AFG2A: variants seen among roughly 807,000 people sequenced by gnomAD.
AFG2A encodes the protein AAA ATPase AFG2A.
the AFG2A span, among the ~76,000 whole-genome samples, chr4:123,001,935 G>A: frequency 3.3e-5 from 5 of 152,182 alleles, no homozygotes; most frequent in African/African-American, 4.8e-5. Context: ...CTGTGTGGGT[G>A]TCTAAGTCTC....
At chr4:123,030,845 A>G in the AFG2A span, among the ~76,000 whole-genome samples, 10 of 152,214 alleles carry the variant, frequency 6.6e-5, no homozygotes, top group Non-Finnish European at 1.5e-4. Context: ...AAAATTTGGA[A>G]TCTAAAATGC....
the AFG2A span, among the ~76,000 whole-genome samples, chr4:123,298,269 T>A: frequency 5.9e-3 from 901 of 152,288 alleles, 10 homozygotes; most frequent in African/African-American, 0.021. Context: ...TGGGTGAAGC[T>A]GTGAGATGTA....
the AFG2A span, among the ~76,000 whole-genome samples, chr4:123,222,200 C>A: frequency 6.6e-6 from 1 of 152,158 alleles, no homozygotes; most frequent in African/African-American, 2.4e-5. Context: ...GATTTACCTT[C>A]AATTCTGGAG....
chr4:122,951,433 TACACAC>T, the AFG2A span, among the ~76,000 whole-genome samples: 16 of 148,506 alleles, frequency 1.1e-4, no homozygotes, highest in African/African-American at 2.5e-4. Context: ...TTTTCCAAAG[TACACAC>T]ACACACACAC....
chr4:123,034,636 A>C, the AFG2A span, among the ~76,000 whole-genome samples: 7 of 151,600 alleles, frequency 4.6e-5, no homozygotes, highest in African/African-American at 1.7e-4. Context: ...CTTTAGTTTA[A>C]TAATAATATC....
At chr4:123,165,975 C>T in the AFG2A span, among the ~76,000 whole-genome samples, 4 of 152,142 alleles carry the variant, frequency 2.6e-5, no homozygotes, top group African/African-American at 9.7e-5. Flanking sequence ...AAGAATTTCC[C>T]CTATGCCTGA....
the AFG2A span, among the ~76,000 whole-genome samples, chr4:123,240,949 A>G: frequency 2.0e-5 from 3 of 152,188 alleles, no homozygotes; most frequent in African/African-American, 7.2e-5. Context: ...GATAAAGGGG[A>G]TATCACCACC....
chr4:123,109,655 C>T, the AFG2A span, among the ~76,000 whole-genome samples: 1 of 152,112 alleles, frequency 6.6e-6, no homozygotes, highest in Non-Finnish European at 1.5e-5. Context: ...TCCTTTTATG[C>T]TACTCAGCTG....
the AFG2A span, among the ~76,000 whole-genome samples, chr4:123,191,495 C>T: frequency 6.6e-6 from 1 of 152,086 alleles, no homozygotes; most frequent in Non-Finnish European, 1.5e-5. Context: ...TAGATAGCCA[C>T]ATCTAATAAA....
the AFG2A span, among the ~76,000 whole-genome samples, chr4:123,091,964 AC>A: frequency 6.6e-6 from 1 of 152,102 alleles, no homozygotes; most frequent in Non-Finnish European, 1.5e-5. Context: ...TTTAAAAAAG[AC>A]CCCTTTGAAT....
chr4:123,312,710 C>G, the AFG2A span, among the ~76,000 whole-genome samples: 7 of 152,170 alleles, frequency 4.6e-5, no homozygotes, highest in Non-Finnish European at 1.0e-4. Flanking sequence ...AAAACATTAA[C>G]ATGCATAACC....
chr4:123,085,750 T>C, the AFG2A span, among the ~76,000 whole-genome samples: 1 of 151,914 alleles, frequency 6.6e-6, no homozygotes, highest in Non-Finnish European at 1.5e-5. Context: ...TACTGTTTTC[T>C]ATTAGTCGCC....
chr4:123,167,257 T>C, the AFG2A span, among the ~76,000 whole-genome samples: 6 of 149,620 alleles, frequency 4.0e-5, no homozygotes, highest in Non-Finnish European at 8.9e-5. Context: ...TATACTTATA[T>C]GTAGGTATCT....
chr4:123,132,752 G>A, the AFG2A span, among the ~76,000 whole-genome samples: 5 of 150,252 alleles, frequency 3.3e-5, no homozygotes, highest in Non-Finnish European at 5.9e-5. Context: ...CATCTCTTCC[G>A]CATCTCTTCC....
chr4:122,934,223 A>G, the AFG2A span: 1 of 1,614,074 alleles, frequency 6.2e-7, no homozygotes, highest in African/African-American at 1.3e-5. Flanking sequence ...AGTGACTCTG[A>G]CACTGATGCC....
the AFG2A span, among the ~76,000 whole-genome samples, chr4:123,038,478 A>G: frequency 2.3e-4 from 35 of 152,224 alleles, no homozygotes; most frequent in South Asian, 6.2e-3. Context: ...GAAACTGAAT[A>G]TAGACTTTTA....
chr4:123,065,415 A>ATATAT, the AFG2A span, among the ~76,000 whole-genome samples: 1 of 152,188 alleles, frequency 6.6e-6, no homozygotes, highest in African/African-American at 2.4e-5. Flanking sequence ...AGTAAATTCT[A>ATATAT]GGTTTTTGGA....
chr4:123,204,819 C>T, the AFG2A span, among the ~76,000 whole-genome samples: 1 of 152,176 alleles, frequency 6.6e-6, no homozygotes, highest in African/African-American at 2.4e-5. Context: ...AGAGTTGGAC[C>T]CAGTGATGTG....
chr4:123,167,203 T>C, the AFG2A span, among the ~76,000 whole-genome samples: 29 of 148,450 alleles, frequency 2.0e-4, no homozygotes, highest in Non-Finnish European at 3.3e-4. Context: ...TTATATATTA[T>C]ATATATTTGA....
Sources: allele counts gnomAD v4.1 joint callset (sites outside exome capture counted in the v4.1 genomes callset), GRCh38; gene constraint gnomAD v4.1.1; transcripts MANE v1.5; gene names NCBI Gene and HGNC (gene_info 2026-07-23, HGNC 2026-07-21).